Variants in ANKRD54 observed in about 807,000 individuals in gnomAD.
ANKRD54 encodes ankyrin repeat domain-containing protein 54.
In ANKRD54, 26 loss-of-function variants were observed where a neutral mutation model predicts 36.2. The ratio of observed to expected loss-of-function variants is 0.72; its 90% CI spans 0.53 to 1.00. The LOEUF is 1.00. ANKRD54 is among the 50% of genes least tolerant of loss of function. ANKRD54 has a pLI of 0.00. For missense variants in ANKRD54, 384 were observed against 424.3 expected (o/e 0.91, Z 0.83); for synonymous variants, 209 against 188.4 (o/e 1.11, Z -0.89).
Position 37,840,252 on chromosome 22 carries a change from G to A in ANKRD54, c.329-18C>T. ...CTTCAGAGCTGTAAAGAGAGTAACG[G>A]ATGCCAGTTTAAAAAAACAGCCATG... is the stretch of plus-strand genomic sequence containing the variant. On this transcript the variant is annotated intron_variant, in intron 1 of 7. Coordinates refer to ENST00000215941, the MANE Select transcript of ANKRD54 (RefSeq NM_138797.4). 1.2e-6 allele frequency: 2 copies of A among 1,613,532 alleles called. No homozygotes were observed. The highest frequency in any genetic ancestry group is 1.7e-6 in the Non-Finnish European group (2 of 1,179,722).
intron 1 of ANKRD54, among the ~76,000 whole-genome samples, chr22:37,843,283 C>T (rs887978840): frequency 1.3e-5 from 2 of 151,986 alleles, no homozygotes; most frequent in African/African-American, 4.8e-5. Flanking sequence ...ATTAGCCGGG[C>T]TTGGTAGTGG....
chr22:37,832,390 G>A (rs1922997378), intron 7 of ANKRD54, among the ~76,000 whole-genome samples: 1 of 151,946 alleles, frequency 6.6e-6, no homozygotes, highest in African/African-American at 2.4e-5. Context: ...GTTCTGAGAG[G>A]ACCTTGCTTT....
At chr22:37,841,517 C>T (rs1279891352) in intron 1 of ANKRD54, among the ~76,000 whole-genome samples, 1 of 149,960 alleles carries the variant, frequency 6.7e-6, no homozygotes, top group Non-Finnish European at 1.5e-5. Flanking sequence ...CAGAGTGAGA[C>T]TCTGTCTCAC....
rs909076016 is a variant in ANKRD54, at chr22:37,831,445, T to C, written c.*498A>G. The C allele has an allele frequency of 7.0e-5, 11 of 156,436 alleles. No individual in the cohort carries two copies. The highest frequency in any genetic ancestry group is 9.6e-5 in the African/African-American group (4 of 41,600). The allele number at this position is 156,436 out of a possible 1,614,324, so 9.7% of individuals were successfully genotyped here. A position where few individuals can be genotyped will look rare whatever the true frequency, so the allele number is the denominator to read the frequency against. ...AGAGAAACTCACTGCAGTATCTCCTTGAAAGTCTGGTGACGTGTCTGTCTA... is the reference window on the plus strand; with the variant it reads ...AGAGAAACTCACTGCAGTATCTCCTCGAAAGTCTGGTGACGTGTCTGTCTA... On this transcript the variant is annotated 3_prime_UTR_variant, in exon 8 of 8. Transcript: ENST00000215941.
rs1923805073 is a variant in ANKRD54, at chr22:37,838,436, C to G, written c.475+64G>C. 2.0e-6 allele frequency: 3 copies of G among 1,499,740 alleles called. No individual in the cohort carries two copies. In the East Asian group the frequency reaches 7.3e-5, roughly 37 times the overall value. 92.9% of individuals were successfully genotyped at this position (1,499,740 alleles called of 1,614,324 possible). ...AGGCTGTGCAGACAGCAGCGCCTCC[C>G]CCAAGGCCTGTGCAGAGACACTACT... On this transcript the variant is annotated intron_variant, in intron 3 of 7. Coordinates refer to ENST00000215941, the MANE Select transcript of ANKRD54 (RefSeq NM_138797.4).
chr22:37,833,295 A>G (rs1923132807), intron 4 of ANKRD54, 89 bp from the exon 5 acceptor site: 3 of 1,528,296 alleles, frequency 2.0e-6, no homozygotes, highest in Admixed American at 3.8e-5. Flanking sequence ...TGTGTCTCCC[A>G]GACGCCTGTG....
chr22:37,833,136 A>G (rs371302913), intron 5 of ANKRD54, 23 bp downstream of exon 5: 152 of 1,613,668 alleles, frequency 9.4e-5, no homozygotes, highest in Non-Finnish European at 5.3e-5. Context: ...GAAAGAGGAC[A>G]GAGAGGGGAA....
chr22:37,844,326 C>A lies in ANKRD54; in HGVS notation c.-88G>T. The A allele has an allele frequency of 7.0e-7, 1 of 1,433,832 alleles. No homozygotes were observed. Among genetic ancestry groups the A allele is most frequent in the South Asian group, 1.3e-5 (1 of 74,872 alleles). The allele number at this position is 1,433,832 out of a possible 1,614,324, so 88.8% of individuals were successfully genotyped here. ...TTCCCTCCGCCCTGAGTCGTGCTGT[C>A]AGCGAGCTGGCGGGCGGGCAGGGCC... On this transcript the variant is annotated 5_prime_UTR_variant, in exon 1 of 8. Coordinates refer to ENST00000215941, the MANE Select transcript of ANKRD54 (RefSeq NM_138797.4).
intron 3 of ANKRD54, 137 bp from the exon 4 acceptor site, chr22:37,833,892 T>G (rs1020903434): frequency 2.7e-6 from 2 of 732,412 alleles, no homozygotes; most frequent in East Asian, 5.5e-5. Flanking sequence ...ACTTCATTCA[T>G]TCACTCACTC....
intron 3 of ANKRD54, among the ~76,000 whole-genome samples, chr22:37,835,469 G>A (rs140913854): frequency 3.9e-5 from 6 of 152,284 alleles, no homozygotes; most frequent in African/African-American, 1.4e-4. Flanking sequence ...ATTTATATTT[G>A]ATAAATGATT....
In ANKRD54 at chr22:37,840,251, G is replaced by A. The variant is rs151243856; in HGVS notation, c.329-17C>T. ...TCTTCAGAGCTGTAAAGAGAGTAAC[G>A]GATGCCAGTTTAAAAAAACAGCCAT... On this transcript the variant is annotated splice_polypyrimidine_tract_variant and intron_variant, in intron 1 of 7. Transcript: ENST00000215941. 2.1e-3 allele frequency: 3,332 copies of A among 1,613,492 alleles called. 7 individuals are homozygous for A. The highest frequency in any genetic ancestry group is 2.6e-3 in the Non-Finnish European group (3,018 of 1,179,696).
chr22:37,838,922 C>T (rs1200408469), intron 2 of ANKRD54, among the ~76,000 whole-genome samples: 1 of 152,178 alleles, frequency 6.6e-6, no homozygotes, highest in Non-Finnish European at 1.5e-5. Flanking sequence ...CCCGTGACCT[C>T]GGCTTGGATA....
intron 1 of ANKRD54, among the ~76,000 whole-genome samples, chr22:37,841,557 C>CACACAAAA (rs549337524): frequency 2.0e-5 from 3 of 148,486 alleles, no homozygotes; most frequent in African/African-American, 7.5e-5. Context: ...CACACACACA[C>CACACAAAA]AAAAAACATA....
chr22:37,844,073 G>T lies in ANKRD54; in HGVS notation c.166C>A (p.Arg56=), dbSNP rs1924636372. ...LGGGGAGLSG[R]ASGGAQSPLR... is the part of the protein sequence containing the mutation. ...GGCGACTGGGCCCCGCCGGACGCCC[G>T]GCCCGAGAGGCCCGCGCCGCCGCCG... Residue 56 remains arginine (R), a synonymous_variant, in exon 1 of 8, where the codon CGG becomes AGG. Coordinates refer to ENST00000215941, the MANE Select transcript of ANKRD54 (RefSeq NM_138797.4). The T allele has an allele frequency of 2.1e-6, 3 of 1,436,352 alleles. No individual in the cohort carries two copies. Among genetic ancestry groups the T allele is most frequent in the African/African-American group, 1.5e-5 (1 of 66,620 alleles). 89.0% of individuals were successfully genotyped at this position (1,436,352 alleles called of 1,614,324 possible).
chr22:37,840,115 T>C (rs780043733), intron 2 of ANKRD54, 72 bp downstream of exon 2: 3 of 1,574,182 alleles, frequency 1.9e-6, no homozygotes, highest in Non-Finnish European at 2.6e-6. Context: ...TTCCCACATA[T>C]TGATTACCTG....
At chr22:37,842,778 C>T (rs560785276) in intron 1 of ANKRD54, among the ~76,000 whole-genome samples, 109 of 152,318 alleles carry the variant, frequency 7.2e-4, no homozygotes, top group African/African-American at 2.6e-3. Flanking sequence ...AGAGTCATAG[C>T]CAGTCCTGGA....
intron 6 of ANKRD54, 39 bp downstream of exon 6, chr22:37,832,919 G>A: frequency 6.2e-7 from 1 of 1,610,660 alleles, no homozygotes; most frequent in Non-Finnish European, 8.5e-7. Flanking sequence ...GTCCAGTGCT[G>A]CCTTGGTGCC....
intron 1 of ANKRD54, among the ~76,000 whole-genome samples, chr22:37,842,606 C>T (rs557184485): frequency 6.6e-6 from 1 of 152,296 alleles, no homozygotes; most frequent in South Asian, 2.1e-4. Flanking sequence ...CAGATTTTCC[C>T]CCTCCAATGG....
In ANKRD54 at chr22:37,842,476, C is replaced by G. The variant is rs138686484; in HGVS notation, c.328+1435G>C. On this transcript the variant is annotated intron_variant, in intron 1 of 7. Transcript: ENST00000215941. ...CAAGGCTGAGTTGTTCTGCCAGCCC[C>G]GAGTTATTGCAAATGATTTACACAG... is the stretch of plus-strand genomic sequence containing the variant. 5.7e-3 allele frequency among the ~76,000 whole-genome samples: 864 copies of G among 152,288 alleles called. 4 individuals are homozygous for G. The highest frequency in any genetic ancestry group is 9.3e-3 in the Non-Finnish European group (635 of 68,028).
Sources: allele counts gnomAD v4.1 joint callset (sites outside exome capture counted in the v4.1 genomes callset), GRCh38; gene constraint gnomAD v4.1.1; transcripts MANE v1.5; gene names NCBI Gene and HGNC (gene_info 2026-07-23, HGNC 2026-07-21).